Variants in CSMD1 observed in about 807,000 individuals in gnomAD.
The protein encoded by CSMD1 is CUB and sushi domain-containing protein 1.
In CSMD1, 213 loss-of-function variants were observed where a neutral mutation model predicts 417.5. That is an observed-to-expected ratio of 0.51 (90% CI 0.46 to 0.57). CSMD1 has a LOEUF of 0.57. Among genes scored for constraint, CSMD1 ranks in the 20% least tolerant of loss-of-function variants. The pLI, the probability that CSMD1 is intolerant of heterozygous loss-of-function variation, is 0.00. For synonymous variants in CSMD1, 2,862 were observed against 1,736.8 expected (o/e 1.65, Z -16.11); for missense variants, 6,923 against 4,529.7 (o/e 1.53, Z -15.17).
intron 3 of CSMD1, among the ~76,000 whole-genome samples, chr8:4,378,040 T>C (rs1042831203): frequency 1.3e-5 from 2 of 152,176 alleles, no homozygotes; most frequent in African/African-American, 4.8e-5. Flanking sequence ...AATATACAGG[T>C]AAGTGTAACA....
chr8:4,367,605 A>G (rs988129027), intron 3 of CSMD1, among the ~76,000 whole-genome samples: 2 of 152,252 alleles, frequency 1.3e-5, no homozygotes, highest in East Asian at 1.9e-4. Flanking sequence ...GTAAAAAATG[A>G]CATTGGTACT....
intron 39 of CSMD1, 140 bp downstream of exon 39, chr8:3,157,757 C>T: frequency 1.5e-6 from 1 of 670,488 alleles, no homozygotes; most frequent in Non-Finnish European, 2.7e-6. Context: ...TTCTGCTCTA[C>T]TGCATTATGT....
rs758930112 is a variant in CSMD1 at position 3,411,766 on chromosome 8, ATACG to A, written c.1562-2165_1562-2162del. On this transcript the variant is annotated intron_variant, in intron 12 of 69. Transcript: ENST00000635120. ...TATATACACGTGTATATACGTGTAT[ATACG>A]TGTGTATATACCTGTATATATACAC... Among the ~76,000 whole-genome samples the A allele has an allele frequency of 6.9e-4, 91 of 131,552 alleles. 2 individuals carry two copies. Among genetic ancestry groups the A allele is most frequent in the Non-Finnish European group, 1.3e-3 (79 of 62,010 alleles). The allele number at this position is 131,552 out of a possible 152,430, so 86.3% of individuals were successfully genotyped here.
chr8:3,100,063 T>TGTC (rs1563339315), intron 46 of CSMD1, among the ~76,000 whole-genome samples: 2 of 151,298 alleles, frequency 1.3e-5, no homozygotes, highest in African/African-American at 4.9e-5. Context: ...GTTTGTTTGT[T>TGTC]TGAGATAGGG....
intron 2 of CSMD1, among the ~76,000 whole-genome samples, chr8:4,613,636 G>C (rs1362343562): frequency 1.3e-5 from 2 of 152,076 alleles, no homozygotes; most frequent in African/African-American, 4.8e-5. Flanking sequence ...AGCGAGGTTT[G>C]CCTGACAACC....
chr8:4,650,347 G>GAAAAAA (rs61642390), intron 1 of CSMD1, among the ~76,000 whole-genome samples: 3 of 78,248 alleles, frequency 3.8e-5, no homozygotes, highest in African/African-American at 1.3e-4. Flanking sequence ...TCCGTCTCAA[G>GAAAAAA]AAAAAAAAAA....
intron 23 of CSMD1, among the ~76,000 whole-genome samples, chr8:3,326,564 G>C (rs1268588756): frequency 6.6e-6 from 1 of 152,158 alleles, no homozygotes; most frequent in Non-Finnish European, 1.5e-5. Flanking sequence ...TTGTTTTCAA[G>C]CTTAAAATAG....
chr8:3,654,828 A>G (rs1342705574), intron 7 of CSMD1, among the ~76,000 whole-genome samples: 1 of 152,124 alleles, frequency 6.6e-6, no homozygotes, highest in East Asian at 1.9e-4. Context: ...CCCAGGATCC[A>G]TAGAACACAT....
chr8:3,706,861 C>T (rs36062792), intron 7 of CSMD1, among the ~76,000 whole-genome samples: 50,459 of 151,984 alleles, frequency 0.33, 8,855 homozygotes, highest in Admixed American at 0.46. Flanking sequence ...TTTTAAAAAA[C>T]CCTTTATTCC....
chr8:2,982,956 C>G (rs1365014840), intron 54 of CSMD1, among the ~76,000 whole-genome samples: 1 of 152,140 alleles, frequency 6.6e-6, no homozygotes, highest in Admixed American at 6.5e-5. Flanking sequence ...AGTCTGGTGT[C>G]CTCTCCATGG....
chr8:4,182,545 C>T (rs1292931633), intron 3 of CSMD1, among the ~76,000 whole-genome samples: 3 of 152,098 alleles, frequency 2.0e-5, no homozygotes, highest in Non-Finnish European at 4.4e-5. Flanking sequence ...ATATTTGTTC[C>T]TTTCAAACAT....
chr8:3,612,657 T>C (rs996583472), intron 8 of CSMD1, among the ~76,000 whole-genome samples: 1 of 151,968 alleles, frequency 6.6e-6, no homozygotes, highest in Non-Finnish European at 1.5e-5. Context: ...GGCAACAAAA[T>C]AGAAAACTTT....
At chr8:4,862,923 G>C (rs967666312) in intron 1 of CSMD1, among the ~76,000 whole-genome samples, 1 of 151,948 alleles carries the variant, frequency 6.6e-6, no homozygotes, top group African/African-American at 2.4e-5. Flanking sequence ...CACCAAGAGA[G>C]GCTGGAGGGA....
chr8:3,805,949 G>C (rs10102521), intron 5 of CSMD1, among the ~76,000 whole-genome samples: 2 of 151,786 alleles, frequency 1.3e-5, no homozygotes, highest in African/African-American at 2.4e-5. Flanking sequence ...GCTCTTGAAA[G>C]GCTCCTTCTT....
chr8:4,451,354 T>C (rs1274428593), intron 2 of CSMD1, among the ~76,000 whole-genome samples: 1 of 152,072 alleles, frequency 6.6e-6, no homozygotes, highest in Admixed American at 6.5e-5. Context: ...TGACTCAAAA[T>C]AATAAGGCAA....
At chr8:3,042,625 T>C (rs906017659) in intron 50 of CSMD1, among the ~76,000 whole-genome samples, 3 of 152,092 alleles carry the variant, frequency 2.0e-5, no homozygotes, top group African/African-American at 7.2e-5. Context: ...GCTGACTCCA[T>C]CATGGAGCAA....
At chr8:3,170,845 T>G (rs1820540738) in intron 37 of CSMD1, among the ~76,000 whole-genome samples, 1 of 152,228 alleles carries the variant, frequency 6.6e-6, no homozygotes, top group Non-Finnish European at 1.5e-5. Flanking sequence ...TCCCACTGAT[T>G]GGACATTATT....
intron 39 of CSMD1, among the ~76,000 whole-genome samples, chr8:3,157,188 G>C (rs1367430478): frequency 6.6e-6 from 1 of 151,998 alleles, no homozygotes; most frequent in East Asian, 1.9e-4. Flanking sequence ...AGGTTTCTGA[G>C]TTGGGCTACA....
At chr8:3,409,373 C>G in intron 13 of CSMD1, 50 bp downstream of exon 13, 1 of 1,464,264 alleles carries the variant, frequency 6.8e-7, no homozygotes, top group South Asian at 1.5e-5. Flanking sequence ...TCTCCCCTTG[C>G]AAGATCCTTG....
Sources: gnomAD v4.1 joint callset for allele counts (sites outside exome capture counted in the v4.1 genomes callset) on GRCh38, gnomAD v4.1.1 for gene constraint, MANE v1.5 for transcripts, NCBI Gene and HGNC (gene_info 2026-07-23, HGNC 2026-07-21) for gene names.